Variants in RPA3 observed in about 807,000 individuals in gnomAD.
The protein encoded by RPA3 is replication protein A3.
RPA3 carries 24 observed loss-of-function variants against 13.7 expected under a neutral mutation model. The ratio of observed to expected loss-of-function variants is 1.75; its 90% CI spans 1.27 to 2.46. RPA3 has a LOEUF of 2.46. RPA3 is among the 30% of genes most tolerant of loss of function. The pLI is 0.00. For synonymous variants in RPA3, 59 were observed against 51.2 expected (o/e 1.15, Z -0.65); for missense variants, 183 against 151.0 (o/e 1.21, Z -1.11).
At chr7:7,693,295 T>TTATC (rs1250261083) in intron 2 of RPA3, among the ~76,000 whole-genome samples, 30,184 of 148,820 alleles carry the variant, frequency 0.2, 3,234 homozygotes, top group East Asian at 0.28. Flanking sequence ...TAAAATATCT[T>TTATC]TATCTATCTA....
At chr7:7,708,661 C>T (rs998831999) in intron 2 of RPA3, among the ~76,000 whole-genome samples, 2 of 152,176 alleles carry the variant, frequency 1.3e-5, no homozygotes, top group Non-Finnish European at 2.9e-5. Context: ...ATATACTTTT[C>T]CTACTACTTC....
intron 4 of RPA3, among the ~76,000 whole-genome samples, chr7:7,645,502 G>A (rs572555417): frequency 6.6e-6 from 1 of 152,284 alleles, no homozygotes; most frequent in African/African-American, 2.4e-5. Context: ...CAGCTATCAA[G>A]TAAATCCACG....
intron 4 of RPA3, among the ~76,000 whole-genome samples, chr7:7,651,896 T>C (rs561936244): frequency 6.6e-5 from 10 of 152,338 alleles, no homozygotes; most frequent in South Asian, 6.2e-4. Context: ...TGTCTTGTAC[T>C]CTGTTTTACA....
chr7:7,680,749 G>C (rs1274897529), intron 4 of RPA3, among the ~76,000 whole-genome samples: 1 of 151,654 alleles, frequency 6.6e-6, no homozygotes, highest in Admixed American at 6.6e-5. Flanking sequence ...TTTTATTTTA[G>C]AGATCTTTCA....
At chr7:7,650,653 C>G (rs1016682534) in intron 4 of RPA3, among the ~76,000 whole-genome samples, 2 of 152,158 alleles carry the variant, frequency 1.3e-5, no homozygotes, top group Non-Finnish European at 2.9e-5. Flanking sequence ...ATAAGTAAAA[C>G]AAAGTTTAAG....
chr7:7,695,509 C>T (rs976889645), intron 2 of RPA3, among the ~76,000 whole-genome samples: 44 of 152,136 alleles, frequency 2.9e-4, no homozygotes, highest in Admixed American at 2.7e-3. Context: ...TTCCTTGTTA[C>T]TTTCAGGCAT....
At chr7:7,686,069 G>C (rs1193055875) in intron 3 of RPA3, 71 bp from the exon 4 acceptor site, 1 of 152,232 alleles carries the variant, frequency 6.6e-6, no homozygotes, top group African/African-American at 2.4e-5. Flanking sequence ...ATTTAGTATA[G>C]CTACTTGGGA....
chr7:7,678,664 TATAA>T (rs1779821380), intron 4 of RPA3, among the ~76,000 whole-genome samples: 1 of 127,210 alleles, frequency 7.9e-6, no homozygotes, highest in African/African-American at 3.1e-5. Flanking sequence ...ATATTTAGTT[TATAA>T]ATATATATTT....
In RPA3 at chr7:7,636,730, A is replaced by C; in HGVS notation, c.*270T>G. 2.9e-6 allele frequency: 1 copy of C among 343,034 alleles called. No homozygotes were observed. The allele number at this position is 343,034 out of a possible 1,614,324, so 21.2% of individuals were successfully genotyped here. On this transcript the variant is annotated 3_prime_UTR_variant, in exon 8 of 8. Transcript: ENST00000223129. ...AATGACCGATAGTACGTACCATTTT[A>C]GTTTTTATTAATAAAATAGAAACTT...
chr7:7,642,255 C>T (rs781251005), intron 4 of RPA3, among the ~76,000 whole-genome samples: 25 of 132,082 alleles, frequency 1.9e-4, no homozygotes, highest in Admixed American at 6.6e-4. Flanking sequence ...TCACCTCAGC[C>T]TGCCAAGTAG....
At chr7:7,656,076 C>G (rs1785334751) in intron 4 of RPA3, among the ~76,000 whole-genome samples, 1 of 152,106 alleles carries the variant, frequency 6.6e-6, no homozygotes, top group South Asian at 2.1e-4. Flanking sequence ...CTCAGGTGAT[C>G]CGCCTGCCTC....
intron 2 of RPA3, among the ~76,000 whole-genome samples, chr7:7,699,247 C>T (rs1002717496): frequency 6.6e-6 from 1 of 152,076 alleles, no homozygotes; most frequent in African/African-American, 2.4e-5. Flanking sequence ...TCCTTCTTAT[C>T]AGACTCATTT....
intron 4 of RPA3, among the ~76,000 whole-genome samples, chr7:7,682,261 CT>C (rs978117277): frequency 6.6e-6 from 1 of 152,090 alleles, no homozygotes; most frequent in Non-Finnish European, 1.5e-5. Flanking sequence ...TGGATTTCAC[CT>C]TTTAAAATAC....
chr7:7,647,178 T>A lies in RPA3; in HGVS notation c.-757-6003A>T, dbSNP rs563801730. 5.3e-5 allele frequency among the ~76,000 whole-genome samples: 8 copies of A among 152,338 alleles called. No homozygotes were observed. In the South Asian group the frequency reaches 1.7e-3, roughly 32 times the overall value. ...TAGAGCTTTAGACATTTCCCACAAG[T>A]TTTTATAAGCAGGTGTACATTAAGT... On this transcript the variant is annotated intron_variant, in intron 4 of 7. Transcript: ENST00000223129.
intron 4 of RPA3, among the ~76,000 whole-genome samples, chr7:7,672,040 A>T (rs1478764275): frequency 6.6e-6 from 1 of 152,154 alleles, no homozygotes; most frequent in Non-Finnish European, 1.5e-5. Context: ...TCTACAACTC[A>T]GGTCAGGCCA....
chr7:7,677,978 A>G (rs1445446439), intron 4 of RPA3, among the ~76,000 whole-genome samples: 1 of 152,108 alleles, frequency 6.6e-6, no homozygotes, highest in African/African-American at 2.4e-5. Flanking sequence ...CGGCCTATCT[A>G]TTCATCTGTT....
At chr7:7,668,184 A>G (rs1169183071) in intron 4 of RPA3, among the ~76,000 whole-genome samples, 1 of 152,074 alleles carries the variant, frequency 6.6e-6, no homozygotes, top group Non-Finnish European at 1.5e-5. Context: ...AAGTGCTGGG[A>G]TTACAGGTGT....
chr7:7,684,021 C>T (rs907284999), intron 4 of RPA3, among the ~76,000 whole-genome samples: 5 of 152,294 alleles, frequency 3.3e-5, no homozygotes, highest in South Asian at 4.1e-4. Context: ...TGACGCTCAA[C>T]GCTCTGATAT....
At chr7:7,693,032 C>T (rs577696657) in intron 2 of RPA3, among the ~76,000 whole-genome samples, 207 of 152,184 alleles carry the variant, frequency 1.4e-3, no homozygotes, top group Non-Finnish European at 2.3e-3. Flanking sequence ...GTAATTTAAT[C>T]TTTTTTCTTC....
Sources: allele counts gnomAD v4.1 joint callset (sites outside exome capture counted in the v4.1 genomes callset), GRCh38; gene constraint gnomAD v4.1.1; transcripts MANE v1.5; gene names NCBI Gene and HGNC (gene_info 2026-07-23, HGNC 2026-07-21).